TYW1: variants seen among roughly 807,000 people sequenced by gnomAD.
The protein encoded by TYW1 is S-adenosyl-L-methionine-dependent tRNA 4-demethylwyosine synthase TYW1.
A neutral mutation model predicts 96.2 loss-of-function variants in TYW1; 46 were observed. That is an observed-to-expected ratio of 0.48 (90% CI 0.38 to 0.61). The LOEUF is 0.61. Ranked by LOEUF, TYW1 falls within the 20% of genes least tolerant of loss-of-function variation. The pLI is 0.00. For synonymous variants in TYW1, 274 were observed against 323.0 expected (o/e 0.85, Z 1.63); for missense variants, 684 against 909.6 (o/e 0.75, Z 3.19).
intron 7 of TYW1, among the ~76,000 whole-genome samples, chr7:67,034,260 C>G (rs1014268489): frequency 2.7e-5 from 4 of 146,822 alleles, no homozygotes; most frequent in Non-Finnish European, 6.0e-5. Context: ...TGTGCCACCA[C>G]ACCTGGCTAT....
rs559050034 is a variant in TYW1 at position 67,207,097 on chromosome 7, T to C, written c.1977+11760T>C. On this transcript the variant is annotated intron_variant, in intron 15 of 15. Transcript: ENST00000359626. ...CCTTGTGTAGTTCCACTCTTTAAAA[T>C]TGTAAAACAAACTTCTTTTCCTTTG... Among the ~76,000 whole-genome samples the C allele has an allele frequency of 5.9e-5, 9 of 152,328 alleles. No homozygotes were observed. The East Asian group carries it at 9.6e-4, about 16-fold the overall frequency.
chr7:67,115,259 T>A (rs940166343), intron 12 of TYW1, among the ~76,000 whole-genome samples: 25 of 145,520 alleles, frequency 1.7e-4, no homozygotes, highest in African/African-American at 3.6e-4. Flanking sequence ...TTTTTTTTTT[T>A]AAATAGAAGT....
At position 67,006,948 on chromosome 7, in the gene TYW1, CTTTTTT is replaced by C. The variant is rs34475001; in HGVS notation, c.274-2611_274-2606del. ...CAAAACAGTAGGGAGAGATGTGAGG[CTTTTTT>C]TTTTTTTTTTTTTTTTTTTTTTTAA... On this transcript the variant is annotated intron_variant, in intron 3 of 15. Coordinates refer to ENST00000359626, the MANE Select transcript of TYW1 (RefSeq NM_018264.4). 1.8e-3 allele frequency among the ~76,000 whole-genome samples: 80 copies of C among 45,144 alleles called. 2 individuals are homozygous for C. In the East Asian group the frequency reaches 0.035, roughly 20 times the overall value. The allele number at this position is 45,144 out of a possible 152,430, so 29.6% of individuals were successfully genotyped here. A position where few individuals can be genotyped will look rare whatever the true frequency, so the allele number is the denominator to read the frequency against.
intron 14 of TYW1, among the ~76,000 whole-genome samples, chr7:67,189,553 C>T (rs1395019994): frequency 6.6e-6 from 1 of 151,982 alleles, no homozygotes; most frequent in Non-Finnish European, 1.5e-5. Flanking sequence ...GAGGCAGTGC[C>T]CAGTTTTGAT....
chr7:67,167,450 CAG>C (rs1169545669), intron 13 of TYW1, among the ~76,000 whole-genome samples: 11 of 107,388 alleles, frequency 1.0e-4, no homozygotes, highest in Non-Finnish European at 1.7e-4. Flanking sequence ...GCCTGGGCGA[CAG>C]AGAGAGACTC....
At chr7:67,019,409 G>A (rs1048702508) in intron 6 of TYW1, among the ~76,000 whole-genome samples, 5 of 150,854 alleles carry the variant, frequency 3.3e-5, no homozygotes, top group Admixed American at 2.7e-4. Context: ...TGTTGGTTAG[G>A]CTGGTCTCGA....
chr7:67,068,803 C>CA (rs1314950455), intron 10 of TYW1, among the ~76,000 whole-genome samples: 1 of 152,178 alleles, frequency 6.6e-6, no homozygotes, highest in African/African-American at 2.4e-5. Context: ...CATCCGCAGT[C>CA]ATTTCAAGCT....
intron 12 of TYW1, among the ~76,000 whole-genome samples, chr7:67,103,492 A>G (rs1030976551): frequency 6.6e-6 from 1 of 152,258 alleles, no homozygotes; most frequent in African/African-American, 2.4e-5. Flanking sequence ...ATAGTGAAAC[A>G]AGATAGTCTT....
At chr7:67,134,945 CAAAAAAAAAA>C (rs55746054) in intron 13 of TYW1, among the ~76,000 whole-genome samples, 3 of 66,340 alleles carry the variant, frequency 4.5e-5, no homozygotes, top group African/African-American at 5.7e-5. Flanking sequence ...CTTTCTCTAC[CAAAAAAAAAA>C]AAAAAAAAAA....
At chr7:67,019,902 A>G (rs927723440) in intron 6 of TYW1, among the ~76,000 whole-genome samples, 2 of 152,406 alleles carry the variant, frequency 1.3e-5, no homozygotes, top group Non-Finnish European at 2.9e-5. Flanking sequence ...TTTTATGGCT[A>G]CCTGGAGTCA....
intron 13 of TYW1, among the ~76,000 whole-genome samples, chr7:67,118,002 A>G (rs1175959884): frequency 2.6e-5 from 4 of 152,180 alleles, no homozygotes; most frequent in Non-Finnish European, 5.9e-5. Context: ...ATGGGTACCA[A>G]AATCCACAGA....
chr7:67,170,631 T>C (rs1232360986), intron 13 of TYW1, among the ~76,000 whole-genome samples: 3 of 152,162 alleles, frequency 2.0e-5, no homozygotes, highest in Non-Finnish European at 4.4e-5. Flanking sequence ...TACCCCAACA[T>C]AGAATCCTGT....
intron 11 of TYW1, among the ~76,000 whole-genome samples, chr7:67,088,684 C>G (rs1160417714): frequency 6.6e-6 from 1 of 152,142 alleles, no homozygotes. Flanking sequence ...CTGTCTCAGC[C>G]TCTCAAATAT....
chr7:67,070,987 C>T (rs1256399611), intron 10 of TYW1, among the ~76,000 whole-genome samples: 24 of 151,832 alleles, frequency 1.6e-4, no homozygotes, highest in African/African-American at 2.4e-4. Flanking sequence ...AAAAATTAGC[C>T]GGGCGTGGTG....
chr7:67,086,059 G>A (rs1796540594), intron 11 of TYW1, among the ~76,000 whole-genome samples: 1 of 151,942 alleles, frequency 6.6e-6, no homozygotes, highest in African/African-American at 2.4e-5. Context: ...GTGTGTATCT[G>A]TAGATAGGCT....
At chr7:66,997,040 G>A in intron 1 of TYW1, 58 bp downstream of exon 1, 1 of 1,610,338 alleles carries the variant, frequency 6.2e-7, no homozygotes, top group South Asian at 1.1e-5. Flanking sequence ...ACGTTTTACT[G>A]AGACCCTCTC....
chr7:67,180,390 A>ATATATATATATATATT lies in TYW1; in HGVS notation c.1699-2720_1699-2705dup, dbSNP rs201411200. Among the ~76,000 whole-genome samples, 5 of 79,022 alleles carry ATATATATATATATATT rather than the reference A, an allele frequency of 6.3e-5. 2 individuals carry two copies. Among genetic ancestry groups the ATATATATATATATATT allele is most frequent in the South Asian group, 8.0e-4 (2 of 2,488 alleles). The allele number at this position is 79,022 out of a possible 152,430, so 51.8% of individuals were successfully genotyped here. ...TATCCTTGGAAAGCTGTTGGTTTATATATATATATATATATTTATATATAT... is the reference window on the plus strand; with the variant it reads ...TATCCTTGGAAAGCTGTTGGTTTATATATATATATATATATTTATATATATATATATTTATATATAT... On this transcript the variant is annotated intron_variant, in intron 13 of 15. Coordinates refer to ENST00000359626, the MANE Select transcript of TYW1 (RefSeq NM_018264.4).
intron 9 of TYW1, among the ~76,000 whole-genome samples, chr7:67,056,869 G>T (rs1323866901): frequency 1.3e-5 from 2 of 152,140 alleles, no homozygotes; most frequent in African/African-American, 4.8e-5. Context: ...TGTTGTCAGT[G>T]TGGTTGTACT....
rs1798702638 is a variant in TYW1 at position 67,148,970 on chromosome 7, CACAA to C, written c.1698+31356_1698+31359del. 2.6e-5 allele frequency among the ~76,000 whole-genome samples: 4 copies of C among 152,126 alleles called. 1 individual carries two copies. The highest frequency in any genetic ancestry group is 9.7e-5 in the African/African-American group (4 of 41,408). ...ATTTAAAATGATTGTGACCCATTGC[CACAA>C]ACAGATAACAAAGAAGTCATCGCGC... On this transcript the variant is annotated intron_variant, in intron 13 of 15. Coordinates refer to ENST00000359626, the MANE Select transcript of TYW1 (RefSeq NM_018264.4).
Sources: gnomAD v4.1 joint callset for allele counts (sites outside exome capture counted in the v4.1 genomes callset) on GRCh38, gnomAD v4.1.1 for gene constraint, MANE v1.5 for transcripts, NCBI Gene and HGNC (gene_info 2026-07-23, HGNC 2026-07-21) for gene names.